FAT3: variants seen among roughly 807,000 people sequenced by gnomAD.
The protein encoded by FAT3 is protocadherin Fat 3.
Under a neutral mutation model 310.2 loss-of-function variants are expected in FAT3, and 95 were observed. The observed-to-expected ratio is 0.31, with a 90% CI of 0.26 to 0.36. FAT3 has a LOEUF of 0.36. Ranked by LOEUF, FAT3 falls within the 10% of genes least tolerant of loss-of-function variation. FAT3 has a pLI of 1.00. For missense variants in FAT3, 5,408 were observed against 5,715.6 expected, an observed-to-expected ratio of 0.95 and a Z score of 1.74; for synonymous variants, 2,314 against 2,192.9, an observed-to-expected ratio of 1.06 and a Z score of -1.54.
chr11:92,744,487 A>G (rs759687037), intron 4 of FAT3, among the ~76,000 whole-genome samples: 1 of 152,228 alleles, frequency 6.6e-6, no homozygotes, highest in Non-Finnish European at 1.5e-5. Flanking sequence ...TTCATTTACA[A>G]TAAGAAATAT....
At chr11:92,389,782 G>A (rs1285324185) in intron 2 of FAT3, among the ~76,000 whole-genome samples, 2 of 152,166 alleles carry the variant, frequency 1.3e-5, no homozygotes, top group Non-Finnish European at 1.5e-5. Flanking sequence ...GTCAGGGTAC[G>A]TGTCAGGTCT....
At chr11:92,302,793 G>A (rs1249925572) in intron 1 of FAT3, among the ~76,000 whole-genome samples, 1 of 152,054 alleles carries the variant, frequency 6.6e-6, no homozygotes, top group Non-Finnish European at 1.5e-5. Flanking sequence ...GTAGTGTTAT[G>A]TTAATAAGAT....
intron 3 of FAT3, among the ~76,000 whole-genome samples, chr11:92,547,709 A>G (rs889547901): frequency 1.3e-5 from 2 of 152,092 alleles, no homozygotes; most frequent in African/African-American, 4.8e-5. Flanking sequence ...TCCCTCATCA[A>G]CAGCCATCCT....
Position 92,866,932 on chromosome 11 carries a change from G to A in FAT3, c.11850G>A (p.Leu3950=), listed in dbSNP as rs2136349313. 4 of 1,613,838 alleles carry A rather than the reference G, an allele frequency of 2.5e-6. No individual in the cohort carries two copies. Among genetic ancestry groups the A allele is most frequent in the Non-Finnish European group, 3.4e-6 (4 of 1,179,864 alleles). ...RRRAPLYFQT[L]STESSIYFGA... ...GGGCGCCCCTCTACTTCCAGACGCT[G>A]AGCACTGAGAGTAGCATCTACTTCG... Residue 3950 remains leucine (L), a synonymous_variant, in exon 22 of 28, where the codon CTG becomes CTA. Coordinates refer to ENST00000525166, the MANE Select transcript of FAT3 (RefSeq NM_001367949.2).
chr11:92,342,284 A>T (rs12286712), intron 1 of FAT3, among the ~76,000 whole-genome samples: 11,318 of 152,098 alleles, frequency 0.074, 590 homozygotes, highest in African/African-American at 0.14. Flanking sequence ...AGCTCTACGT[A>T]TGCCCAAGCC....
intron 4 of FAT3, among the ~76,000 whole-genome samples, chr11:92,712,401 G>A (rs1944553561): frequency 6.6e-6 from 1 of 152,088 alleles, no homozygotes; most frequent in African/African-American, 2.4e-5. Context: ...CACGGAGGGA[G>A]GGCATGAAAA....
chr11:92,349,461 T>A (rs970991144), intron 1 of FAT3, among the ~76,000 whole-genome samples: 1 of 152,232 alleles, frequency 6.6e-6, no homozygotes, highest in Non-Finnish European at 1.5e-5. Context: ...ATATTTCAGT[T>A]GACTGTGCTC....
chr11:92,408,008 TAACAGAATACCACA>T (rs879821956), intron 2 of FAT3: 3,873 of 152,290 alleles, frequency 0.025, 57 homozygotes, highest in Non-Finnish European at 0.03. Context: ...TGGGCTGCTG[TAACAGAATACCACA>T]GAATGGGTGG....
chr11:92,470,508 C>G (rs1354471450), intron 2 of FAT3, among the ~76,000 whole-genome samples: 1 of 152,190 alleles, frequency 6.6e-6, no homozygotes, highest in African/African-American at 2.4e-5. Flanking sequence ...TACAAATTGC[C>G]TTTCCCATCT....
intron 3 of FAT3, among the ~76,000 whole-genome samples, chr11:92,655,609 T>C (rs1197335405): frequency 6.6e-6 from 1 of 152,196 alleles, no homozygotes; most frequent in Non-Finnish European, 1.5e-5. Context: ...CCTGACTCTT[T>C]GTGCTTGGTT....
intron 19 of FAT3, 110 bp from the exon 20 acceptor site, chr11:92,857,104 T>A: frequency 6.6e-7 from 1 of 1,511,652 alleles, no homozygotes. Context: ...AGCCCACATA[T>A]CCCAGCTCTT....
intron 2 of FAT3, among the ~76,000 whole-genome samples, chr11:92,445,885 T>G (rs1951197775): frequency 6.6e-6 from 1 of 152,134 alleles, no homozygotes; most frequent in African/African-American, 2.4e-5. Context: ...TTTGGTGTTT[T>G]GTAGTTATGA....
chr11:92,840,969 G>C (rs1298477357), intron 18 of FAT3, among the ~76,000 whole-genome samples: 1 of 152,190 alleles, frequency 6.6e-6, no homozygotes, highest in African/African-American at 2.4e-5. Context: ...AAGCATCATT[G>C]TTCAGGAAGG....
At chr11:92,516,235 C>A (rs1284926552) in intron 2 of FAT3, among the ~76,000 whole-genome samples, 1 of 152,058 alleles carries the variant, frequency 6.6e-6, no homozygotes, top group Non-Finnish European at 1.5e-5. Flanking sequence ...TGTGAAAATC[C>A]TCAATAAAAT....
intron 3 of FAT3, among the ~76,000 whole-genome samples, chr11:92,613,873 A>T (rs1270302778): frequency 6.6e-6 from 1 of 152,146 alleles, no homozygotes; most frequent in African/African-American, 2.4e-5. Context: ...AAAAGCAAAC[A>T]TTTTACCCAT....
At chr11:92,670,431 G>A (rs113992497) in intron 3 of FAT3, among the ~76,000 whole-genome samples, 7 of 152,078 alleles carry the variant, frequency 4.6e-5, no homozygotes, top group Admixed American at 2.6e-4. Flanking sequence ...CTGCAACTGC[G>A]TTACATGTTT....
At chr11:92,526,493 A>G (rs1174924361) in intron 3 of FAT3, among the ~76,000 whole-genome samples, 1 of 152,164 alleles carries the variant, frequency 6.6e-6, no homozygotes, top group Admixed American at 6.5e-5. Context: ...TGGTAGGCCC[A>G]GCACCCTTTT....
At chr11:92,427,134 A>G (rs946306466) in intron 2 of FAT3, among the ~76,000 whole-genome samples, 4 of 152,100 alleles carry the variant, frequency 2.6e-5, no homozygotes, top group African/African-American at 4.8e-5. Context: ...TTCACTTTGT[A>G]GCAATTGTGA....
Position 92,883,058 on chromosome 11 carries a change from T to C in FAT3, c.12602T>C (p.Leu4201Pro), listed in dbSNP as rs1225019501. The C allele has an allele frequency of 6.2e-7, 1 of 1,613,950 alleles. No individual in the cohort carries two copies. Among genetic ancestry groups the C allele is most frequent in the Non-Finnish European group, 8.5e-7 (1 of 1,179,900 alleles). Residue 4201 changes from leucine to proline, a missense_variant, in exon 24 of 28, where the codon CTT becomes CCT. Around this residue, in one of 5 missense-constraint regions of FAT3, gnomAD observed 649 missense variants for 666.2 expected, o/e 0.97. Transcript: ENST00000525166. This position sits in a 1 kb window ranked among gnomAD's most constrained non-coding sequence, Gnocchi z 4.2. ...CAGGACCCGGCCACCGCCGCCCTGC[T>C]TAACAAGAGCAATGGCATCCCGTTC... Reference protein sequence around the residue: ...LVQDPATAALLNKSNGIPFRN... With the variant: ...LVQDPATAALPNKSNGIPFRN...
Sources: gnomAD v4.1 joint callset for allele counts (sites outside exome capture counted in the v4.1 genomes callset) on GRCh38, gnomAD v4.1.1 for gene constraint, gnomAD v4.1.1 regional missense constraint, Gnocchi (gnomAD v3.1) non-coding constraint, MANE v1.5 for transcripts, NCBI Gene and HGNC (gene_info 2026-07-23, HGNC 2026-07-21) for gene names.